The following SUB1 variants were observed in gnomAD, a reference collection of about 807,000 sequenced individuals.
The protein encoded by SUB1 is activated RNA polymerase II transcriptional coactivator p15.
A neutral mutation model predicts 16.9 loss-of-function variants in SUB1; 1 was observed. The observed-to-expected ratio is 0.06, with a 90% CI of 0.02 to 0.28. The LOEUF (loss-of-function observed/expected upper bound fraction) is 0.28, where lower values mean the gene tolerates loss of function less well. SUB1 is among the 10% of genes least tolerant of loss of function. The pLI is 1.00. For synonymous variants in SUB1, 51 were observed against 46.9 expected (o/e 1.09, Z -0.36); for missense variants, 84 against 145.2 (o/e 0.58, Z 2.16).
intron 1 of SUB1, among the ~76,000 whole-genome samples, chr5:32,586,675 A>C (rs1404554846): frequency 6.6e-6 from 1 of 152,210 alleles, no homozygotes; most frequent in Non-Finnish European, 1.5e-5. Flanking sequence ...GTGAAAAATT[A>C]TGTTCAATTT....
intron 4 of SUB1, among the ~76,000 whole-genome samples, chr5:32,599,793 A>T (rs528502225): frequency 6.6e-6 from 1 of 152,132 alleles, no homozygotes; most frequent in South Asian, 2.1e-4. Context: ...TTCACGTACC[A>T]GAGTGGCCGA....
intron 3 of SUB1, chr5:32,595,680 T>C (rs1237582518): frequency 1.3e-5 from 2 of 152,224 alleles, no homozygotes; most frequent in Non-Finnish European, 2.9e-5. Context: ...CCAGATACAT[T>C]TGCTGAGTCG....
chr5:32,589,378 T>C (rs1170624278), intron 2 of SUB1, among the ~76,000 whole-genome samples: 1 of 152,232 alleles, frequency 6.6e-6, no homozygotes, highest in Admixed American at 6.5e-5. Context: ...TGAGCCATCA[T>C]GAGTGGCCAT....
intron 4 of SUB1, 39 bp from the exon 5 acceptor site, chr5:32,600,966 A>G (rs1739101206): frequency 6.4e-7 from 1 of 1,565,212 alleles, no homozygotes; most frequent in Admixed American, 1.7e-5. Context: ...TCAACGCTTA[A>G]ATAGATTTTC....
chr5:32,588,664 G>GT, intron 2 of SUB1, 80 bp downstream of exon 2: 1 of 1,386,054 alleles, frequency 7.2e-7, no homozygotes, highest in Non-Finnish European at 9.9e-7. Flanking sequence ...AGTAAAAGGT[G>GT]TATTAACATC....
At chr5:32,595,278 G>T (rs1448789992) in intron 3 of SUB1, 1 of 151,986 alleles carries the variant, frequency 6.6e-6, no homozygotes, top group Non-Finnish European at 1.5e-5. Context: ...TGTGGTAAAT[G>T]TACACGCCTT....
At chr5:32,591,384 G>T (rs996330905) in intron 2 of SUB1, 179 bp from the exon 3 acceptor site, 5 of 809,044 alleles carry the variant, frequency 6.2e-6, no homozygotes, top group Non-Finnish European at 5.3e-6. Flanking sequence ...AACATTACTA[G>T]ACAGAAGGAT....
In SUB1 at chr5:32,602,061, A is replaced by G. The variant is rs1739127090; in HGVS notation, c.*977A>G. 1 of 274,468 alleles carries G rather than the reference A, an allele frequency of 3.6e-6. No homozygotes were observed. The highest frequency in any genetic ancestry group is 7.4e-6 in the Non-Finnish European group (1 of 135,604). 17.0% of individuals were successfully genotyped at this position (274,468 alleles called of 1,614,324 possible). On this transcript the variant is annotated 3_prime_UTR_variant, in exon 5 of 5. Coordinates refer to ENST00000265073, the MANE Select transcript of SUB1 (RefSeq NM_006713.4). ...TAGGTAATATGGTTAGTTTGTAGGG[A>G]AAAGAGCATATGAGCACATGCTTGT...
intron 2 of SUB1, among the ~76,000 whole-genome samples, chr5:32,590,952 T>C (rs1311131279): frequency 6.6e-6 from 1 of 151,736 alleles, no homozygotes; most frequent in East Asian, 1.9e-4. Context: ...GTATTTTTAG[T>C]GGAGATGGGG....
intron 3 of SUB1, chr5:32,597,736 T>C (rs1739004100): frequency 6.6e-6 from 1 of 152,226 alleles, no homozygotes; most frequent in African/African-American, 2.4e-5. Context: ...CTTTTGACTT[T>C]GTCAAAACTG....
At chr5:32,596,142 C>G (rs1738956936) in intron 3 of SUB1, 2 of 152,034 alleles carry the variant, frequency 1.3e-5, no homozygotes, top group Admixed American at 1.3e-4. Flanking sequence ...CAGAGAGAAT[C>G]AAACAGACAG....
chr5:32,594,148 A>G (rs1353828108), intron 3 of SUB1, among the ~76,000 whole-genome samples: 3 of 152,226 alleles, frequency 2.0e-5, no homozygotes, highest in African/African-American at 7.2e-5. Flanking sequence ...CCAAAGAAAA[A>G]TCAATAGACT....
intron 3 of SUB1, chr5:32,597,535 C>T (rs1303707463): frequency 6.6e-6 from 1 of 152,092 alleles, no homozygotes; most frequent in Non-Finnish European, 1.5e-5. Context: ...GTGCAGATGT[C>T]TCTTGGAGTC....
rs1486610798 is a variant in SUB1, at chr5:32,603,826, G to C, written c.*2742G>C. On this transcript the variant is annotated 3_prime_UTR_variant, in exon 5 of 5. Coordinates refer to ENST00000265073, the MANE Select transcript of SUB1 (RefSeq NM_006713.4). ...TAAAAAGTAAAAGTACTTAAATTTA[G>C]GTATCTCTCCTGAAATTCTTTGCAG... 1.3e-5 allele frequency: 2 copies of C among 151,862 alleles called. No individual in the cohort carries two copies. Among genetic ancestry groups the C allele is most frequent in the African/African-American group, 4.8e-5 (2 of 41,384 alleles). The allele number at this position is 151,862 out of a possible 1,614,324, so 9.4% of individuals were successfully genotyped here.
chr5:32,596,104 G>C (rs368111250), intron 3 of SUB1: 2 of 152,144 alleles, frequency 1.3e-5, no homozygotes, highest in South Asian at 4.1e-4. Flanking sequence ...AAAATGAGTG[G>C]AGGTTAACAG....
intron 3 of SUB1, among the ~76,000 whole-genome samples, chr5:32,591,965 T>C (rs926690227): frequency 6.6e-6 from 1 of 152,230 alleles, no homozygotes; most frequent in Non-Finnish European, 1.5e-5. Flanking sequence ...CCAAAAGTGC[T>C]GGGTTTACAG....
chr5:32,596,574 TAAGA>T (rs1289394127), intron 3 of SUB1: 1 of 152,192 alleles, frequency 6.6e-6, no homozygotes, highest in Non-Finnish European at 1.5e-5. Context: ...GTGTATGATG[TAAGA>T]TAGAGATTTA....
At chr5:32,596,527 C>T (rs555661041) in intron 3 of SUB1, 1 of 152,250 alleles carries the variant, frequency 6.6e-6, no homozygotes, top group African/African-American at 2.4e-5. Flanking sequence ...TTAGTTTTCA[C>T]ATTTAGGTCT....
intron 2 of SUB1, chr5:32,591,319 T>C (rs1738819598): frequency 3.0e-6 from 1 of 338,440 alleles, no homozygotes; most frequent in Non-Finnish European, 5.0e-6. Flanking sequence ...TTCCTGTGGT[T>C]AATACTACTA....
Sources: allele counts gnomAD v4.1 joint callset (sites outside exome capture counted in the v4.1 genomes callset), GRCh38; gene constraint gnomAD v4.1.1; transcripts MANE v1.5; gene names NCBI Gene and HGNC (gene_info 2026-07-23, HGNC 2026-07-21).